IRS1: variants seen among roughly 807,000 people sequenced by gnomAD.
IRS1 encodes insulin receptor substrate 1.
A neutral mutation model predicts 65.6 loss-of-function variants in IRS1; 34 were observed. The observed-to-expected ratio is 0.52, with a 90% CI of 0.39 to 0.69. The LOEUF is 0.69. Among genes scored for constraint, IRS1 ranks in the 30% least tolerant of loss-of-function variants. IRS1 has a pLI of 0.00. For synonymous variants in IRS1, 699 were observed against 683.5 expected (o/e 1.02, Z -0.35); for missense variants, 1,641 against 1,720.2 (o/e 0.95, Z 0.81).
In IRS1 at chr2:226,738,149, G is replaced by A. The variant is rs1230064005; in HGVS notation, c.*22-1899C>T. On this transcript the variant is annotated intron_variant, in intron 1 of 1. Transcript: ENST00000305123. Reference sequence around the variant, plus strand: ...TGCTACATTGACATAAGGTCAAGATGTAGCAGTAATAATGCATATCACCTA... The same window carrying A: ...TGCTACATTGACATAAGGTCAAGATATAGCAGTAATAATGCATATCACCTA... 1.3e-5 allele frequency among the ~76,000 whole-genome samples: 2 copies of A among 152,210 alleles called. 1 individual carries two copies. The highest frequency in any genetic ancestry group is 2.9e-5 in the Non-Finnish European group (2 of 68,038).
chr2:226,758,787 T>C (rs1360388989), intron 1 of IRS1, among the ~76,000 whole-genome samples: 4 of 151,970 alleles, frequency 2.6e-5, no homozygotes, highest in Admixed American at 2.6e-4. Flanking sequence ...GTTAAATGAT[T>C]GGATGCTAAT....
At position 226,795,415 on chromosome 2, in the gene IRS1, G is replaced by C. The variant is rs756165343; in HGVS notation, c.3324C>G (p.Pro1108=). 3.7e-6 allele frequency: 6 copies of C among 1,613,524 alleles called. No homozygotes were observed. In the South Asian group the frequency reaches 6.6e-5, roughly 18 times the overall value. Residue 1108 remains proline (P), a synonymous_variant, in exon 1 of 2, where the codon CCC becomes CCG. Transcript: ENST00000305123. Reference sequence around the variant, plus strand: ...CTGTGTTGCCCACCCGGGTGGCACTGGGTGTTGAGGAGAAAGTCTCGGAGC... The same window carrying C: ...CTGTGTTGCCCACCCGGGTGGCACTCGGTGTTGAGGAGAAAGTCTCGGAGC... The part of the protein sequence containing the change: ...RHSSETFSST[P]SATRVGNTVP...
rs770993310 is a variant in IRS1 at position 226,795,200 on chromosome 2, A to G, written c.3539T>C (p.Ile1180Thr). Residue 1180 changes from isoleucine (I) to threonine (T), a missense_variant, in exon 1 of 2, where the codon ATA becomes ACA. Transcript: ENST00000305123. ...GAAGTCCTTGACCAAATCCAGGTCT[A>G]TGTAGTTAAGACCATTCTCCAAACC... ...AGGLENGLNYIDLDLVKDFKQ... is the reference protein window; with the variant it reads ...AGGLENGLNYTDLDLVKDFKQ... 2 of 1,613,964 alleles carry G rather than the reference A, an allele frequency of 1.2e-6. No individual in the cohort carries two copies. Among genetic ancestry groups the G allele is most frequent in the South Asian group, 2.2e-5 (2 of 91,082 alleles).
At chr2:226,792,602 C>T (rs986336395) in intron 1 of IRS1, among the ~76,000 whole-genome samples, 3 of 152,196 alleles carry the variant, frequency 2.0e-5, no homozygotes, top group Non-Finnish European at 1.5e-5. Flanking sequence ...CAAGTGTTCT[C>T]CTCTTAACAG....
In IRS1 at chr2:226,799,286, C is replaced by T. The variant is rs1205995624; in HGVS notation, c.-548G>A. 5.0e-6 allele frequency: 6 copies of T among 1,188,500 alleles called. No individual in the cohort carries two copies. The highest frequency in any genetic ancestry group is 3.8e-4 in the Middle Eastern group (1 of 2,626). The allele number at this position is 1,188,500 out of a possible 1,614,324, so 73.6% of individuals were successfully genotyped here. On this transcript the variant is annotated 5_prime_UTR_variant, in exon 1 of 2. It adds an upstream start codon to the 5' untranslated region. Transcript: ENST00000305123. This position sits in a 1 kb window ranked among gnomAD's most constrained non-coding sequence, Gnocchi z 6.1. ...CTCCCTCCTCCTTCGCCTCCTCCCACCCCCCAACCGTCCCAGCCGCCACCA... is the reference window on the plus strand; with the variant it reads ...CTCCCTCCTCCTTCGCCTCCTCCCATCCCCCAACCGTCCCAGCCGCCACCA...
At chr2:226,774,268 T>C (rs1939225281) in intron 1 of IRS1, among the ~76,000 whole-genome samples, 2 of 152,206 alleles carry the variant, frequency 1.3e-5, no homozygotes, top group South Asian at 4.1e-4. Flanking sequence ...TTCAAATAAA[T>C]CTGTTTTTTA....
chr2:226,746,313 G>A (rs1473564394), intron 1 of IRS1, among the ~76,000 whole-genome samples: 1 of 152,130 alleles, frequency 6.6e-6, no homozygotes, highest in Admixed American at 6.6e-5. Flanking sequence ...GCAGGGAATT[G>A]GGTGGCTTTT....
chr2:226,760,128 T>G (rs1309799933), intron 1 of IRS1, among the ~76,000 whole-genome samples: 3 of 152,170 alleles, frequency 2.0e-5, no homozygotes, highest in African/African-American at 7.2e-5. Flanking sequence ...TGAACCGTGA[T>G]TGTGCTACTG....
chr2:226,796,200 T>C lies in IRS1; in HGVS notation c.2539A>G (p.Thr847Ala), dbSNP rs1409759065. Reference protein sequence around the residue: ...LQPHLPRKVDTAAQTNSRLAR... With the variant: ...LQPHLPRKVDAAAQTNSRLAR... The stretch of plus-strand genomic sequence containing the variant: ...AGGCGGCTATTGGTCTGAGCAGCTG[T>C]GTCCACCTTTCGAGGCAGATGGGGC... The change falls in exon 1 of 2, where the codon ACA becomes GCA. Residue 847 changes from threonine (T) to alanine (A), a missense_variant. Coordinates refer to ENST00000305123, the MANE Select transcript of IRS1 (RefSeq NM_005544.3). The C allele has an allele frequency of 6.2e-7, 1 of 1,613,446 alleles. No homozygotes were observed. The highest frequency in any genetic ancestry group is 2.2e-5 in the East Asian group (1 of 44,856).
chr2:226,776,160 C>T (rs1193490066), intron 1 of IRS1, among the ~76,000 whole-genome samples: 5 of 152,054 alleles, frequency 3.3e-5, no homozygotes, highest in Non-Finnish European at 2.9e-5. Context: ...CAAGAACCCA[C>T]AATGATGGGA....
chr2:226,775,114 T>C (rs1405654885), intron 1 of IRS1, among the ~76,000 whole-genome samples: 1 of 152,210 alleles, frequency 6.6e-6, no homozygotes, highest in Non-Finnish European at 1.5e-5. Context: ...AGGAAGTCAC[T>C]GATCCCAGGA....
At chr2:226,775,933 C>CT (rs572926231) in intron 1 of IRS1, among the ~76,000 whole-genome samples, 18 of 149,120 alleles carry the variant, frequency 1.2e-4, no homozygotes, top group South Asian at 2.1e-4. Flanking sequence ...TGCAACTATC[C>CT]TTTTTTTTTT....
At chr2:226,786,544 T>C (rs1446258521) in intron 1 of IRS1, among the ~76,000 whole-genome samples, 1 of 151,498 alleles carries the variant, frequency 6.6e-6, no homozygotes, top group Non-Finnish European at 1.5e-5. Flanking sequence ...AAGCAGTCTA[T>C]CTCTGGAAAG....
In IRS1 at chr2:226,782,604, C is replaced by G. The variant is rs149056923; in HGVS notation, c.*21+12385G>C. On this transcript the variant is annotated intron_variant, in intron 1 of 1. Transcript: ENST00000305123. Reference sequence around the variant, plus strand: ...GTGTAAGTGGGGACAAGCAGTAAGTCATTGGTGAAGAGACAGTGGGAAGAT... The same window carrying G: ...GTGTAAGTGGGGACAAGCAGTAAGTGATTGGTGAAGAGACAGTGGGAAGAT... 3.7e-4 allele frequency among the ~76,000 whole-genome samples: 56 copies of G among 152,302 alleles called. No homozygotes were observed. In the East Asian group the frequency reaches 0.01, roughly 28 times the overall value.
Position 226,751,510 on chromosome 2 carries a change from C to G in IRS1, c.*22-15260G>C, listed in dbSNP as rs545246933. On this transcript the variant is annotated intron_variant, in intron 1 of 1. Transcript: ENST00000305123. The stretch of plus-strand genomic sequence containing the variant: ...GTGTTAGCCAGGATGGTCTCGATCT[C>G]CTAACCTCGTGATCTGCCCGCCTTG... Among the ~76,000 whole-genome samples, 7 of 152,124 alleles carry G rather than the reference C, an allele frequency of 4.6e-5. No homozygotes were observed. The South Asian group carries it at 1.5e-3, about 32-fold the overall frequency.
In IRS1 at chr2:226,796,146, C is replaced by G. The variant is rs769072759; in HGVS notation, c.2593G>C (p.Asp865His). Reference protein sequence around the residue: ...LARPTRLSLGDPKASTLPRAR... With the variant: ...LARPTRLSLGHPKASTLPRAR... ...CGAGGTAAGGTGCTGGCCTTGGGAT[C>G]CCCCAGGGACAGCCTCGTGGGCCGG... Residue 865 changes from aspartate to histidine, a missense_variant, in exon 1 of 2, where the codon GAT becomes CAT. By Grantham distance (81) the Asp-to-His change is moderately conservative. Around this residue, in one of 3 missense-constraint regions of IRS1, gnomAD observed 1,324 missense variants for 1,361.0 expected, o/e 0.97. Coordinates refer to ENST00000305123, the MANE Select transcript of IRS1 (RefSeq NM_005544.3). 4 of 1,613,606 alleles carry G rather than the reference C, an allele frequency of 2.5e-6. No homozygotes were observed. The Admixed American group carries it at 6.7e-5, about 27-fold the overall frequency.
Position 226,797,366 on chromosome 2 carries a change from C to T in IRS1, c.1373G>A (p.Gly458Asp), listed in dbSNP as rs1939756549. ...DSLGHTPPARGEEELSNYICM... is the reference protein window; with the variant it reads ...DSLGHTPPARDEEELSNYICM... ...GATATAGTTGCTTAGCTCCTCCTCA[C>T]CGCGGGCTGGTGGGGTGTGGCCCAG... Residue 458 changes from glycine to aspartate, a missense_variant, in exon 1 of 2, where the codon GGT becomes GAT. Physicochemically the swap from Gly to Asp is moderately conservative, Grantham distance 94 (BLOSUM62 -1). Transcript: ENST00000305123. This position sits in a 1 kb window ranked among gnomAD's most constrained non-coding sequence, Gnocchi z 8.1. 6.2e-7 allele frequency: 1 copy of T among 1,613,164 alleles called. No individual in the cohort carries two copies. Among genetic ancestry groups the T allele is most frequent in the South Asian group, 1.1e-5 (1 of 91,036 alleles).
intron 1 of IRS1, among the ~76,000 whole-genome samples, chr2:226,784,624 T>G (rs1015480516): frequency 2.6e-5 from 4 of 152,128 alleles, no homozygotes; most frequent in African/African-American, 7.2e-5. Context: ...GGTTTCGCCA[T>G]GATGGCCAGG....
intron 1 of IRS1, among the ~76,000 whole-genome samples, chr2:226,766,441 G>A (rs1939050450): frequency 6.6e-6 from 1 of 151,448 alleles, no homozygotes; most frequent in Non-Finnish European, 1.5e-5. Flanking sequence ...TGGGATGACA[G>A]CGTGAGCCAC....
Sources: gnomAD v4.1 joint callset for allele counts (sites outside exome capture counted in the v4.1 genomes callset) on GRCh38, gnomAD v4.1.1 for gene constraint, gnomAD v4.1.1 regional missense constraint, Gnocchi (gnomAD v3.1) non-coding constraint, MANE v1.5 for transcripts, NCBI Gene and HGNC (gene_info 2026-07-23, HGNC 2026-07-21) for gene names.